FRMD5: variants seen among roughly 807,000 people sequenced by gnomAD.
FRMD5 encodes the protein FERM domain containing 5.
FRMD5 carries 20 observed loss-of-function variants against 69.0 expected under a neutral mutation model. The observed-to-expected ratio is 0.29, with a 90% CI of 0.20 to 0.42. The LOEUF (loss-of-function observed/expected upper bound fraction) is 0.42, where lower values mean the gene tolerates loss of function less well. Among genes scored for constraint, FRMD5 ranks in the 10% least tolerant of loss-of-function variants. The pLI, the probability that FRMD5 is intolerant of heterozygous loss-of-function variation, is 1.00. For missense variants in FRMD5, 595 were observed against 708.6 expected (o/e 0.84, Z 1.82); for synonymous variants, 271 against 260.1 (o/e 1.04, Z -0.40).
chr15:43,910,827 C>A (rs1398436591), intron 4 of FRMD5, among the ~76,000 whole-genome samples: 1 of 152,200 alleles, frequency 6.6e-6, no homozygotes, highest in Admixed American at 6.5e-5. Flanking sequence ...GAGATAGGTA[C>A]TGTTATTATC....
rs34063043 is a variant in FRMD5 at position 43,875,804 on chromosome 15, GTTTTTT to G, written c.1136-1348_1136-1343del. On this transcript the variant is annotated intron_variant, in intron 13 of 13. Coordinates refer to ENST00000417257, the MANE Select transcript of FRMD5 (RefSeq NM_032892.5). ...TCTTGCCTTTGGTGTCCTGGGCCTAGTTTTTTTTTTTTTTTTTTTTTTTCTTTCAGT... is the reference window on the plus strand; with the variant it reads ...TCTTGCCTTTGGTGTCCTGGGCCTAGTTTTTTTTTTTTTTTTTCTTTCAGT... The G allele has an allele frequency of 2.8e-3, 600 of 210,624 alleles. 3 individuals carry two copies. The highest frequency in any genetic ancestry group is 9.6e-3 in the Middle Eastern group (7 of 726). The allele number at this position is 210,624 out of a possible 1,614,324, so 13.0% of individuals were successfully genotyped here.
chr15:43,885,224 G>C (rs2088634361), intron 11 of FRMD5: 2 of 212,444 alleles, frequency 9.4e-6, no homozygotes, highest in Admixed American at 1.0e-4. Context: ...CTGGGCTGGA[G>C]TGCAGTGGTG....
At chr15:43,923,813 T>C (rs1566838562) in intron 2 of FRMD5, among the ~76,000 whole-genome samples, 1 of 152,150 alleles carries the variant, frequency 6.6e-6, no homozygotes, top group Non-Finnish European at 1.5e-5. Flanking sequence ...ACTGCCTAGA[T>C]TGGGTTGGTA....
chr15:44,020,921 A>C (rs1008193686), intron 1 of FRMD5, among the ~76,000 whole-genome samples: 1 of 152,226 alleles, frequency 6.6e-6, no homozygotes, highest in Admixed American at 6.5e-5. Flanking sequence ...TCCATCATTT[A>C]GATATAATAG....
At chr15:44,117,543 C>T (rs1176115160) in intron 1 of FRMD5, among the ~76,000 whole-genome samples, 5 of 152,138 alleles carry the variant, frequency 3.3e-5, no homozygotes, top group Middle Eastern at 3.4e-3. Flanking sequence ...ATTGGAGGGA[C>T]GATAAAGAGA....
chr15:43,891,912 C>T, intron 8 of FRMD5, 69 bp downstream of exon 8: 1 of 1,292,700 alleles, frequency 7.7e-7, no homozygotes, highest in South Asian at 1.2e-5. Flanking sequence ...AGACAAAGGA[C>T]ACGGGAACCG....
intron 1 of FRMD5, among the ~76,000 whole-genome samples, chr15:44,002,862 T>C (rs1404328287): frequency 6.6e-6 from 1 of 151,928 alleles, no homozygotes; most frequent in African/African-American, 2.4e-5. Flanking sequence ...TGAGGGGTGG[T>C]CTCCTCCCTT....
At chr15:44,191,307 G>A (rs1844485561) in intron 1 of FRMD5, among the ~76,000 whole-genome samples, 1 of 152,056 alleles carries the variant, frequency 6.6e-6, no homozygotes, top group Admixed American at 6.6e-5. Context: ...ATCTATTCCT[G>A]GCCGGGTGCA....
At chr15:44,063,307 G>A (rs959750467) in intron 1 of FRMD5, among the ~76,000 whole-genome samples, 2 of 152,094 alleles carry the variant, frequency 1.3e-5, no homozygotes, top group South Asian at 2.1e-4. Context: ...GGTTGTTTAT[G>A]TCTCTCAAGA....
At chr15:43,948,735 A>G (rs2089984141) in intron 1 of FRMD5, among the ~76,000 whole-genome samples, 1 of 152,180 alleles carries the variant, frequency 6.6e-6, no homozygotes, top group South Asian at 2.1e-4. Context: ...AGTTCTAAGA[A>G]TTCTCCGAAA....
chr15:43,891,903 G>T, intron 8 of FRMD5, 78 bp downstream of exon 8: 1 of 1,219,196 alleles, frequency 8.2e-7, no homozygotes, highest in Non-Finnish European at 1.2e-6. Flanking sequence ...CCCAATCACA[G>T]ACAAAGGACA....
intron 1 of FRMD5, among the ~76,000 whole-genome samples, chr15:44,162,531 T>C (rs1396436092): frequency 6.6e-6 from 1 of 152,164 alleles, no homozygotes; most frequent in African/African-American, 2.4e-5. Flanking sequence ...GTCATGTTTT[T>C]TCCTGCCTCC....
At chr15:43,991,884 C>T (rs552256728) in intron 1 of FRMD5, among the ~76,000 whole-genome samples, 33 of 152,304 alleles carry the variant, frequency 2.2e-4, no homozygotes, top group Admixed American at 1.6e-3. Context: ...AGTGTCCTAG[C>T]CCTGCATCCT....
At chr15:44,164,135 T>G (rs758719541) in intron 1 of FRMD5, among the ~76,000 whole-genome samples, 41 of 152,176 alleles carry the variant, frequency 2.7e-4, no homozygotes, top group Non-Finnish European at 4.9e-4. Context: ...ACCTTTCATT[T>G]CTTCAGCCCC....
chr15:43,896,684 C>T (rs2088917102), intron 7 of FRMD5, among the ~76,000 whole-genome samples: 1 of 152,240 alleles, frequency 6.6e-6, no homozygotes, highest in South Asian at 2.1e-4. Context: ...CCTTCTGTCT[C>T]CTGCCACCCT....
chr15:44,069,121 A>G (rs936282463), intron 1 of FRMD5, among the ~76,000 whole-genome samples: 5 of 152,234 alleles, frequency 3.3e-5, no homozygotes, highest in Non-Finnish European at 7.3e-5. Context: ...ACTTAAAACC[A>G]TGAAATATCA....
upstream of FRMD5, among the ~76,000 whole-genome samples, chr15:44,195,994 A>AT (rs1376127865): frequency 1.3e-5 from 2 of 152,214 alleles, no homozygotes; most frequent in East Asian, 3.8e-4. Context: ...AGAACTGGAA[A>AT]TTATGTCTTC....
chr15:43,900,213 T>A (rs2089011416), intron 7 of FRMD5, among the ~76,000 whole-genome samples: 1 of 152,184 alleles, frequency 6.6e-6, no homozygotes, highest in Non-Finnish European at 1.5e-5. Context: ...AAACAGGGGA[T>A]GGGAACCGGA....
intron 1 of FRMD5, among the ~76,000 whole-genome samples, chr15:43,933,292 G>A (rs2089706539): frequency 6.6e-6 from 1 of 152,200 alleles, no homozygotes; most frequent in East Asian, 1.9e-4. Flanking sequence ...TCACTCAGAA[G>A]GCTGACTTTC....
Sources: allele counts gnomAD v4.1 joint callset (sites outside exome capture counted in the v4.1 genomes callset), GRCh38; gene constraint gnomAD v4.1.1; transcripts MANE v1.5; gene names NCBI Gene and HGNC (gene_info 2026-07-23, HGNC 2026-07-21).